Variants in MACROD2 observed in about 807,000 individuals in gnomAD.
MACROD2 encodes the protein mono-ADP ribosylhydrolase 2.
Under a neutral mutation model 70.4 loss-of-function variants are expected in MACROD2, and 36 were observed. That is an observed-to-expected ratio of 0.51 (90% CI 0.39 to 0.68). The LOEUF (loss-of-function observed/expected upper bound fraction) is 0.68, where lower values mean the gene tolerates loss of function less well. Ranked by LOEUF, MACROD2 falls within the 30% of genes least tolerant of loss-of-function variation. The probability of loss-of-function intolerance (pLI) is 0.00; values close to 1 mark genes in which losing one functional copy is unlikely to be tolerated. For missense variants in MACROD2, 496 were observed against 538.4 expected (o/e 0.92, Z 0.78); for synonymous variants, 172 against 178.8 (o/e 0.96, Z 0.30).
intron 8 of MACROD2, among the ~76,000 whole-genome samples, chr20:15,852,686 C>T (rs147074715): frequency 1.3e-5 from 2 of 152,362 alleles, no homozygotes; most frequent in Non-Finnish European, 2.9e-5. Context: ...ACCATCTCCA[C>T]TATCAGCTTA....
intron 3 of MACROD2, among the ~76,000 whole-genome samples, chr20:14,263,125 CT>C: frequency 6.6e-6 from 1 of 151,854 alleles, no homozygotes; most frequent in East Asian, 1.9e-4. Flanking sequence ...AGGAATGCAC[CT>C]TTTTTTGATA....
chr20:15,770,064 T>G (rs2051596142), intron 8 of MACROD2, among the ~76,000 whole-genome samples: 1 of 150,224 alleles, frequency 6.7e-6, no homozygotes, highest in African/African-American at 2.4e-5. Context: ...CCCATAAATT[T>G]ATTTTTTTAA....
In MACROD2 at chr20:15,460,977, C is replaced by CATATATATATATATATAT. The variant is rs1157335873; in HGVS notation, c.571+29555_571+29572dup. ...TTCCCTTTAATTATCTCTCTCTCTC[C>CATATATATATATATATAT]ATATATATATATATATATATATATA... On this transcript the variant is annotated intron_variant, in intron 7 of 17. Coordinates refer to ENST00000684519, the MANE Select transcript of MACROD2 (RefSeq NM_001351661.2). Among the ~76,000 whole-genome samples the CATATATATATATATATAT allele has an allele frequency of 9.5e-4, 66 of 69,624 alleles. 1 individual carries two copies. The highest frequency in any genetic ancestry group is 1.9e-3 in the South Asian group (3 of 1,562). 45.7% of individuals were successfully genotyped at this position (69,624 alleles called of 152,430 possible).
intron 5 of MACROD2, among the ~76,000 whole-genome samples, chr20:14,685,597 G>A (rs2070992652): frequency 6.6e-6 from 1 of 152,194 alleles, no homozygotes; most frequent in African/African-American, 2.4e-5. Flanking sequence ...CAACTGGGTG[G>A]CATGGTATGG....
chr20:15,491,842 A>G (rs539340250), intron 7 of MACROD2, among the ~76,000 whole-genome samples: 1 of 152,356 alleles, frequency 6.6e-6, no homozygotes, highest in Middle Eastern at 3.4e-3. Flanking sequence ...TTGCAAGGAC[A>G]CAGCATATGC....
intron 6 of MACROD2, among the ~76,000 whole-genome samples, chr20:15,346,334 G>T (rs2078166056): frequency 6.6e-6 from 1 of 152,156 alleles, no homozygotes; most frequent in Admixed American, 6.5e-5. Context: ...CCTCATCTTT[G>T]AGAAATTGTG....
intron 8 of MACROD2, among the ~76,000 whole-genome samples, chr20:15,826,344 C>A (rs1462308146): frequency 6.6e-6 from 1 of 152,106 alleles, no homozygotes; most frequent in Non-Finnish European, 1.5e-5. Flanking sequence ...GGTGAAAAAA[C>A]ACCACATTTA....
chr20:14,778,820 T>C (rs2072265185), intron 5 of MACROD2, among the ~76,000 whole-genome samples: 2 of 152,068 alleles, frequency 1.3e-5, no homozygotes, highest in African/African-American at 4.8e-5. Context: ...AATCAGTACT[T>C]GACTGATAGA....
rs1010738106 is a variant in MACROD2, at chr20:14,508,070, T to C, written c.301+14562T>C. 4.6e-5 allele frequency among the ~76,000 whole-genome samples: 7 copies of C among 152,092 alleles called. 1 individual carries two copies. The highest frequency in any genetic ancestry group is 8.8e-5 in the Non-Finnish European group (6 of 68,010). Reference sequence around the variant, plus strand: ...AGAAGTGATTTGAAAGGCTTTCACATGTGCCAGGAAATCTACAAAGCCACA... The same window carrying C: ...AGAAGTGATTTGAAAGGCTTTCACACGTGCCAGGAAATCTACAAAGCCACA... On this transcript the variant is annotated intron_variant, in intron 4 of 17. Transcript: ENST00000684519.
chr20:15,983,786 G>A (rs1188965571), intron 13 of MACROD2, among the ~76,000 whole-genome samples: 1 of 152,304 alleles, frequency 6.6e-6, no homozygotes, highest in South Asian at 2.1e-4. Context: ...TGTTTAATGT[G>A]CAGATGGAAT....
intron 5 of MACROD2, among the ~76,000 whole-genome samples, chr20:15,009,061 A>G (rs1372327190): frequency 6.6e-6 from 1 of 152,120 alleles, no homozygotes. Flanking sequence ...AACAATGATT[A>G]TATATGAGGC....
At chr20:15,837,498 T>C (rs1027215950) in intron 8 of MACROD2, among the ~76,000 whole-genome samples, 1 of 152,156 alleles carries the variant, frequency 6.6e-6, no homozygotes, top group Non-Finnish European at 1.5e-5. Context: ...GTGTCCTCAG[T>C]AGCAGACACT....
rs1313514375 is a variant in MACROD2, at chr20:15,299,398, T to A, written c.540+69337T>A. Among the ~76,000 whole-genome samples the A allele has an allele frequency of 3.3e-5, 5 of 152,170 alleles. No homozygotes were observed. The East Asian group carries it at 9.6e-4, about 29-fold the overall frequency. ...TCTTCATTAAATCTTAAACACAGAA[T>A]AAACAAAGCATGAACAGATTGTGAC... On this transcript the variant is annotated intron_variant, in intron 6 of 17. Coordinates refer to ENST00000684519, the MANE Select transcript of MACROD2 (RefSeq NM_001351661.2).
At chr20:15,347,108 T>C (rs2078175293) in intron 6 of MACROD2, among the ~76,000 whole-genome samples, 1 of 152,202 alleles carries the variant, frequency 6.6e-6, no homozygotes, top group African/African-American at 2.4e-5. Context: ...GTAAAGTCTT[T>C]CAAGGCTACA....
intron 5 of MACROD2, among the ~76,000 whole-genome samples, chr20:15,097,227 T>C (rs2075840589): frequency 6.6e-6 from 1 of 152,180 alleles, no homozygotes; most frequent in African/African-American, 2.4e-5. Flanking sequence ...AAAAACAATA[T>C]GCAAAATTTG....
intron 5 of MACROD2, among the ~76,000 whole-genome samples, chr20:14,898,050 T>C (rs561627008): frequency 1.3e-5 from 2 of 152,270 alleles, no homozygotes; most frequent in Admixed American, 1.3e-4. Flanking sequence ...ATTCAACTCA[T>C]AGCAGATAAC....
rs566662418 is a variant in MACROD2, at chr20:14,183,527, A to AT, written c.271+97804dup. ...GTCTTTATAATAGAAAGATTTATAT[A>AT]TTTTTGGGGTATATACCCAGTACTG... On this transcript the variant is annotated intron_variant, in intron 3 of 17. Transcript: ENST00000684519. 8.4e-4 allele frequency among the ~76,000 whole-genome samples: 127 copies of AT among 152,050 alleles called. 1 individual carries two copies. The highest frequency in any genetic ancestry group is 3.4e-3 in the Middle Eastern group (1 of 294).
chr20:15,574,818 G>A (rs719697), intron 8 of MACROD2, among the ~76,000 whole-genome samples: 28,715 of 152,106 alleles, frequency 0.19, 3,328 homozygotes, highest in Middle Eastern at 0.36. Flanking sequence ...TCAGGCATGA[G>A]CAAATGGCTG....
chr20:14,067,211 C>T (rs2053775081), intron 2 of MACROD2, among the ~76,000 whole-genome samples: 1 of 147,326 alleles, frequency 6.8e-6, no homozygotes, highest in African/African-American at 2.5e-5. Flanking sequence ...GCAACCTCTG[C>T]CTCCCTGGTT....
Sources: gnomAD v4.1 joint callset for allele counts (sites outside exome capture counted in the v4.1 genomes callset) on GRCh38, gnomAD v4.1.1 for gene constraint, MANE v1.5 for transcripts, NCBI Gene and HGNC (gene_info 2026-07-23, HGNC 2026-07-21) for gene names.